The following NCOA1 variants were observed in gnomAD, a reference collection of about 807,000 sequenced individuals.
NCOA1 encodes nuclear receptor coactivator 1, also known as Hin-2 protein.
A neutral mutation model predicts 150.9 loss-of-function variants in NCOA1; 35 were observed. The ratio of observed to expected loss-of-function variants is 0.23; its 90% CI spans 0.18 to 0.31. NCOA1 has a LOEUF of 0.31. NCOA1 is among the 10% of genes least tolerant of loss of function. The probability of loss-of-function intolerance (pLI) is 1.00; values close to 1 mark genes in which losing one functional copy is unlikely to be tolerated. For missense variants in NCOA1, 1,491 were observed against 1,749.3 expected, an observed-to-expected ratio of 0.85 and a Z score of 2.63; for synonymous variants, 590 against 630.0, an observed-to-expected ratio of 0.94 and a Z score of 0.95.
intron 1 of NCOA1, among the ~76,000 whole-genome samples, chr2:24,541,485 A>G (rs1215482377): frequency 6.6e-6 from 1 of 152,244 alleles, no homozygotes; most frequent in Non-Finnish European, 1.5e-5. Context: ...TCTCTTTTAT[A>G]CAGACTACTG....
At chr2:24,674,397 G>A (rs753312045) in intron 7 of NCOA1, among the ~76,000 whole-genome samples, 3 of 151,870 alleles carry the variant, frequency 2.0e-5, no homozygotes, top group Non-Finnish European at 2.9e-5. Context: ...TAGTAGAGAC[G>A]GTGTTTCACC....
rs755875653 is a variant in NCOA1 at position 24,503,924 on chromosome 2, G to T, written c.-396+12322G>T. 3.9e-5 allele frequency among the ~76,000 whole-genome samples: 6 copies of T among 151,982 alleles called. No homozygotes were observed. In the South Asian group the frequency reaches 1.2e-3, roughly 32 times the overall value. The stretch of plus-strand genomic sequence containing the variant: ...TAGTTTTTGTGTTTTTAGTAGAGAC[G>T]GGGTTTCACCATGTTGGCCAGGCTG... On this transcript the variant is annotated intron_variant, in intron 1 of 22. Transcript: ENST00000348332.
chr2:24,732,743 G>T (rs892155032), intron 17 of NCOA1, among the ~76,000 whole-genome samples: 1 of 152,162 alleles, frequency 6.6e-6, no homozygotes. Flanking sequence ...CAAGGACCCA[G>T]GTTCTTTCTC....
At chr2:24,602,843 T>C (rs1177695808) in intron 3 of NCOA1, among the ~76,000 whole-genome samples, 1 of 152,192 alleles carries the variant, frequency 6.6e-6, no homozygotes, top group Non-Finnish European at 1.5e-5. Context: ...CTGTGGAAAC[T>C]CCCTGTGTAA....
chr2:24,730,909 G>A (rs1051511901), intron 17 of NCOA1, among the ~76,000 whole-genome samples: 5 of 149,020 alleles, frequency 3.4e-5, no homozygotes, highest in East Asian at 2.0e-4. Context: ...ATGGTGGCAC[G>A]TGCCTATAAT....
chr2:24,543,819 G>C (rs566658820), intron 1 of NCOA1, among the ~76,000 whole-genome samples: 1 of 152,192 alleles, frequency 6.6e-6, no homozygotes, highest in South Asian at 2.1e-4. Context: ...TAGGGCAGTT[G>C]GGCTTTATCC....
rs1572513165 is a variant in NCOA1 at position 24,629,513 on chromosome 2, A to G, written c.-174-14453A>G. 6.7e-5 allele frequency among the ~76,000 whole-genome samples: 10 copies of G among 148,364 alleles called. No homozygotes were observed. In the South Asian group the frequency reaches 1.9e-3, roughly 28 times the overall value. ...TTTTTTTTTTACACTTTATCATTAA[A>G]CTTAGAATGTAAACATTTATATCTT... is the stretch of plus-strand genomic sequence containing the variant. On this transcript the variant is annotated intron_variant, in intron 3 of 22. Coordinates refer to ENST00000348332, the MANE Select transcript of NCOA1 (RefSeq NM_003743.5).
chr2:24,594,109 A>G (rs1442402508), intron 3 of NCOA1, among the ~76,000 whole-genome samples: 3 of 152,156 alleles, frequency 2.0e-5, no homozygotes, highest in African/African-American at 7.2e-5. Flanking sequence ...ACACGGTACT[A>G]GATTCACAGT....
intron 1 of NCOA1, among the ~76,000 whole-genome samples, chr2:24,562,189 T>C (rs951364178): frequency 1.3e-5 from 2 of 152,180 alleles, no homozygotes; most frequent in Non-Finnish European, 2.9e-5. Context: ...GGGCCAGTGG[T>C]AAGACTGAGA....
chr2:24,584,938 C>T (rs1287459249), intron 3 of NCOA1, among the ~76,000 whole-genome samples: 13 of 152,068 alleles, frequency 8.5e-5, no homozygotes, highest in African/African-American at 1.9e-4. Context: ...TTGAAGAAAC[C>T]GGTGTTCAAA....
At position 24,643,974 on chromosome 2, in the gene NCOA1, A is replaced by G. The variant is rs1572533809; in HGVS notation, c.-166A>G. The stretch of plus-strand genomic sequence containing the variant: ...TTGTCTTTTTATTCTAGTTGTTTAT[A>G]TAATTGGCCTTAAATGAGGTGAGAG... On this transcript the variant is annotated 5_prime_UTR_variant, in exon 4 of 23. It adds an upstream start codon to the 5' untranslated region. Coordinates refer to ENST00000348332, the MANE Select transcript of NCOA1 (RefSeq NM_003743.5). 6.6e-6 allele frequency: 1 copy of G among 151,998 alleles called. No individual in the cohort carries two copies. The highest frequency in any genetic ancestry group is 2.4e-5 in the African/African-American group (1 of 41,376). 9.4% of individuals were successfully genotyped at this position (151,998 alleles called of 1,614,324 possible). A position where few individuals can be genotyped will look rare whatever the true frequency, so the allele number is the denominator to read the frequency against.
At chr2:24,738,048 T>C (rs776774677) in intron 17 of NCOA1, among the ~76,000 whole-genome samples, 26 of 152,142 alleles carry the variant, frequency 1.7e-4, no homozygotes, top group Non-Finnish European at 3.7e-4. Context: ...CAAAAAGTTT[T>C]AACTTATTCC....
intron 11 of NCOA1, among the ~76,000 whole-genome samples, chr2:24,701,828 T>C (rs1427214990): frequency 6.6e-6 from 1 of 152,168 alleles, no homozygotes; most frequent in Non-Finnish European, 1.5e-5. Flanking sequence ...CTCGCCAACA[T>C]GGCGAAACCC....
At chr2:24,744,597 T>C (rs1343875165) in intron 19 of NCOA1, among the ~76,000 whole-genome samples, 1 of 152,208 alleles carries the variant, frequency 6.6e-6, no homozygotes, top group Non-Finnish European at 1.5e-5. Context: ...AAAAACAGTT[T>C]ATTGTGGCTT....
chr2:24,591,642 T>C (rs976543777), intron 3 of NCOA1, among the ~76,000 whole-genome samples: 1 of 152,150 alleles, frequency 6.6e-6, no homozygotes, highest in African/African-American at 2.4e-5. Flanking sequence ...TCAATCCCTC[T>C]AATATGCCAA....
chr2:24,618,467 G>T (rs971955410), intron 3 of NCOA1, among the ~76,000 whole-genome samples: 2 of 152,102 alleles, frequency 1.3e-5, no homozygotes, highest in Admixed American at 6.5e-5. Flanking sequence ...TTACCATCTG[G>T]TCTGAAGACC....
intron 9 of NCOA1, among the ~76,000 whole-genome samples, chr2:24,692,864 TG>T (rs1672727399): frequency 6.6e-6 from 1 of 152,232 alleles, no homozygotes; most frequent in South Asian, 2.1e-4. Context: ...AACACGTTTT[TG>T]TTTTTGTTTT....
At chr2:24,727,751 AATTTGTTGCTTAATACCTAGC>A (rs1662771330) in intron 15 of NCOA1, among the ~76,000 whole-genome samples, 1 of 152,234 alleles carries the variant, frequency 6.6e-6, no homozygotes, top group Non-Finnish European at 1.5e-5. Context: ...ATCAGTGAAT[AATTTGTTGCTTAATACCTAGC>A]ATATTTCATT....
intron 6 of NCOA1, among the ~76,000 whole-genome samples, chr2:24,671,848 G>A (rs1284203566): frequency 6.6e-6 from 1 of 152,152 alleles, no homozygotes. Context: ...ACAGACGTGA[G>A]CCACCTTGCC....
Sources: allele counts gnomAD v4.1 joint callset (sites outside exome capture counted in the v4.1 genomes callset), GRCh38; gene constraint gnomAD v4.1.1; transcripts MANE v1.5; gene names NCBI Gene and HGNC (gene_info 2026-07-23, HGNC 2026-07-21).